The following UROS variants were observed in gnomAD, a reference collection of about 807,000 sequenced individuals.
UROS encodes the protein uroporphyrinogen III synthase.
A neutral mutation model predicts 33.0 loss-of-function variants in UROS; 18 were observed. The ratio of observed to expected loss-of-function variants is 0.55; its 90% confidence interval spans 0.38 to 0.81. UROS has a LOEUF of 0.81. Among genes scored for constraint, UROS ranks in the 30% least tolerant of loss-of-function variants. The pLI, the probability that UROS is intolerant of heterozygous loss-of-function variation, is 0.00. For missense variants in UROS, 293 were observed against 314.9 expected (o/e 0.93, Z 0.53); for synonymous variants, 114 against 121.1 (o/e 0.94, Z 0.38).
intron 5 of UROS, among the ~76,000 whole-genome samples, chr10:125,808,933 G>T (rs1320551189): frequency 6.6e-6 from 1 of 152,268 alleles, no homozygotes; most frequent in Non-Finnish European, 1.5e-5. Flanking sequence ...CCAACACTCT[G>T]GCTGGGTAAG....
At chr10:125,791,451 C>T (rs1415001601) in intron 9 of UROS, 1 of 152,024 alleles carries the variant, frequency 6.6e-6, no homozygotes, top group East Asian at 1.9e-4. Flanking sequence ...TTAAAGTTAC[C>T]TTAGATCTAG....
At chr10:125,803,155 C>A in intron 6 of UROS, 1 of 1,279,190 alleles carries the variant, frequency 7.8e-7, no homozygotes, top group Non-Finnish European at 1.1e-6. Context: ...CCACTATTAG[C>A]TCTGTTCCTT....
At chr10:125,796,276 C>T in intron 7 of UROS, 88 bp from the exon 8 acceptor site, 7 of 1,279,066 alleles carry the variant, frequency 5.5e-6, no homozygotes, top group Non-Finnish European at 8.0e-6. Flanking sequence ...GGTGAAACCT[C>T]CCAATACAGC....
chr10:125,816,383 C>T, intron 2 of UROS, 54 bp downstream of exon 2: 1 of 1,610,562 alleles, frequency 6.2e-7, no homozygotes, highest in Non-Finnish European at 8.5e-7. Context: ...CTGCTCCAGG[C>T]CCCTTGACTC....
intron 3 of UROS, among the ~76,000 whole-genome samples, chr10:125,815,694 A>G (rs1004652887): frequency 2.6e-5 from 4 of 152,162 alleles, no homozygotes; most frequent in Non-Finnish European, 4.4e-5. Flanking sequence ...TGCAATTTTT[A>G]TCACTCCTCA....
At chr10:125,794,451 T>A in intron 9 of UROS, 1 of 760,000 alleles carries the variant, frequency 1.3e-6, no homozygotes, top group Non-Finnish European at 1.7e-6. Flanking sequence ...CCCTAGTAAG[T>A]GAGAATGTAA....
At position 125,821,168 on chromosome 10, in the gene UROS, C is replaced by T. The variant is rs543161279; in HGVS notation, c.-27+1861G>A. ...CCCCAAAGAATTGAAAGCAGGGACT[C>T]GAACAGATATTTGATACTCATGTTC... On this transcript the variant is annotated intron_variant, in intron 1 of 9. Transcript: ENST00000368797. Among the ~76,000 whole-genome samples the T allele has an allele frequency of 7.2e-5, 11 of 152,294 alleles. No homozygotes were observed. The South Asian group carries it at 2.1e-3, about 29-fold the overall frequency.
In UROS at chr10:125,803,924, A is replaced by G. The variant is rs142609143; in HGVS notation, c.394+3489T>C. 4.5e-3 allele frequency among the ~76,000 whole-genome samples: 683 copies of G among 152,280 alleles called. 6 individuals are homozygous for G. Among genetic ancestry groups the G allele is most frequent in the South Asian group, 0.027 (130 of 4,824 alleles). ...AGAGGAGGCCATGCCTTTTGTACAG[A>G]CTTTCCTGAAGACCTCTGCCTTCTT... On this transcript the variant is annotated intron_variant, in intron 6 of 9. Transcript: ENST00000368797.
chr10:125,812,198 T>C lies in UROS; in HGVS notation c.319+16A>G, dbSNP rs1344008711. The C allele has an allele frequency of 6.2e-6, 10 of 1,612,316 alleles. No individual in the cohort carries two copies. The highest frequency in any genetic ancestry group is 8.5e-6 in the Non-Finnish European group (10 of 1,178,754). ...AAGCCATTTTTTGTTGTTTTATTTT[T>C]ACCTTGACTCCTTACCTAGAGAAGC... On this transcript the variant is annotated intron_variant, in intron 5 of 9. Coordinates refer to ENST00000368797, the MANE Select transcript of UROS (RefSeq NM_000375.3).
chr10:125,789,491 G>C (rs1304757915), intron 9 of UROS: 2 of 533,786 alleles, frequency 3.7e-6, no homozygotes, highest in Non-Finnish European at 5.0e-6. Flanking sequence ...CAATGACCTT[G>C]GCCCGTGGCC....
intron 3 of UROS, 130 bp from the exon 4 acceptor site, chr10:125,815,260 CCAA>C: frequency 1.0e-6 from 1 of 987,498 alleles, no homozygotes; most frequent in East Asian, 2.6e-5. Flanking sequence ...ACCCATCCCC[CCAA>C]CACTTACTGA....
chr10:125,816,209 C>CA lies in UROS; in HGVS notation c.114dup (p.Glu39Ter), dbSNP rs780399346. 11 of 1,614,174 alleles carry CA rather than the reference C, an allele frequency of 6.8e-6. No individual in the cohort carries two copies. The highest frequency in any genetic ancestry group is 9.3e-6 in the Non-Finnish European group (11 of 1,180,022). ...GAGAAACTGGGAAGAGACAAAAACT[C>CA]AAACGATAAAACAGGGATCAAAGTG... is the stretch of plus-strand genomic sequence containing the variant. On this transcript the variant is annotated frameshift_variant, in exon 3 of 10. Coordinates refer to ENST00000368797, the MANE Select transcript of UROS (RefSeq NM_000375.3). LOFTEE classifies it high-confidence loss of function.
intron 6 of UROS, among the ~76,000 whole-genome samples, chr10:125,800,357 G>GT (rs1481303422): frequency 6.6e-6 from 1 of 152,144 alleles, no homozygotes; most frequent in Non-Finnish European, 1.5e-5. Context: ...CCAATCAAAT[G>GT]TTGCCTTTTC....
chr10:125,795,395 T>C (rs10751533), intron 8 of UROS, among the ~76,000 whole-genome samples: 69,173 of 152,148 alleles, frequency 0.45, 15,990 homozygotes, highest in African/African-American at 0.51. Flanking sequence ...CCTGGCCTTT[T>C]TGCATTTGGT....
intron 6 of UROS, among the ~76,000 whole-genome samples, chr10:125,798,443 T>C (rs987770418): frequency 2.0e-5 from 3 of 152,256 alleles, no homozygotes; most frequent in Non-Finnish European, 2.9e-5. Context: ...AGTGACTCCC[T>C]AGCCTGCAGT....
In UROS at chr10:125,796,208, G is replaced by C. The variant is rs376072637; in HGVS notation, c.476-20C>G. The C allele has an allele frequency of 5.1e-4, 815 of 1,613,540 alleles. 6 individuals carry two copies. Among genetic ancestry groups the C allele is most frequent in the South Asian group, 4.9e-3 (442 of 91,072 alleles). On this transcript the variant is annotated intron_variant, in intron 7 of 9. Coordinates refer to ENST00000368797, the MANE Select transcript of UROS (RefSeq NM_000375.3). Reference sequence around the variant, plus strand: ...CAATCCCTGGGCACAATCAAAAGCAGGAAAGACTTTACCGCACTGGGCACA... The same window carrying C: ...CAATCCCTGGGCACAATCAAAAGCACGAAAGACTTTACCGCACTGGGCACA...
At chr10:125,799,312 C>T (rs1208777509) in intron 6 of UROS, among the ~76,000 whole-genome samples, 3 of 152,136 alleles carry the variant, frequency 2.0e-5, no homozygotes, top group Non-Finnish European at 2.9e-5. Flanking sequence ...TCTTCCAGTG[C>T]GAGGAAATGT....
At chr10:125,820,236 C>T (rs1853754664) in intron 1 of UROS, among the ~76,000 whole-genome samples, 1 of 152,152 alleles carries the variant, frequency 6.6e-6, no homozygotes, top group Non-Finnish European at 1.5e-5. Flanking sequence ...GTCCCATGAT[C>T]TGCTGTCTGC....
In UROS at chr10:125,788,841, G is replaced by A; in HGVS notation, c.*27C>T. On this transcript the variant is annotated 3_prime_UTR_variant, in exon 10 of 10. Coordinates refer to ENST00000368797, the MANE Select transcript of UROS (RefSeq NM_000375.3). ...AGAGCCAGCCCAGCCCAGGGAGGCT[G>A]CATGGGGCCAGCGCTAGGTGGCTGA... 3.2e-6 allele frequency: 5 copies of A among 1,562,988 alleles called. No individual in the cohort carries two copies. In the East Asian group the frequency reaches 7.1e-5, roughly 22 times the overall value.
Sources: allele counts gnomAD v4.1 joint callset (sites outside exome capture counted in the v4.1 genomes callset), GRCh38; gene constraint gnomAD v4.1.1; transcripts MANE v1.5; gene names NCBI Gene and HGNC (gene_info 2026-07-23, HGNC 2026-07-21).